Variants in TJP3 observed in about 807,000 individuals in gnomAD.
The protein encoded by TJP3 is tight junction protein 3, also known as tight junction protein ZO-3.
In TJP3, 85 loss-of-function variants were observed where a neutral mutation model predicts 104.2. The ratio of observed to expected loss-of-function variants is 0.82; its 90% confidence interval spans 0.68 to 0.98. The LOEUF is 0.98. Among genes scored for constraint, TJP3 ranks in the 50% least tolerant of loss-of-function variants. The pLI is 0.00. For synonymous variants in TJP3, 550 were observed against 550.6 expected (o/e 1.00, Z 0.02); for missense variants, 1,367 against 1,322.8 (o/e 1.03, Z -0.52).
intron 1 of TJP3, among the ~76,000 whole-genome samples, chr19:3,722,862 G>C: frequency 7.8e-6 from 1 of 127,964 alleles, no homozygotes; most frequent in South Asian, 2.9e-4. Flanking sequence ...GTGGCGGGGG[G>C]GGGGGGCACA....
chr19:3,723,797 G>GAAAAAAA (rs71339060), intron 1 of TJP3, among the ~76,000 whole-genome samples: 1 of 125,764 alleles, frequency 8.0e-6, no homozygotes, highest in Non-Finnish European at 1.6e-5. Context: ...TGTCTCAAAA[G>GAAAAAAA]AAAAAAAAAA....
At chr19:3,717,921 A>AAG (rs1159023539) in intron 1 of TJP3, among the ~76,000 whole-genome samples, 1 of 150,460 alleles carries the variant, frequency 6.6e-6, no homozygotes, top group Non-Finnish European at 1.5e-5. Context: ...GGCTAATTAA[A>AAG]AAAAAAAAAA....
intron 1 of TJP3, among the ~76,000 whole-genome samples, chr19:3,717,760 A>G (rs2036494934): frequency 6.6e-6 from 1 of 151,764 alleles, no homozygotes; most frequent in African/African-American, 2.4e-5. Context: ...ATTTTTGTGG[A>G]TGTGGAGATG....
At chr19:3,728,266 A>C in intron 1 of TJP3, 158 bp from the exon 2 acceptor site, 1 of 1,208,892 alleles carries the variant, frequency 8.3e-7, no homozygotes, top group East Asian at 2.6e-5. Flanking sequence ...CAAAAAAACA[A>C]ACAAAAAAAC....
intron 1 of TJP3, among the ~76,000 whole-genome samples, chr19:3,718,492 A>G (rs2036512600): frequency 6.7e-6 from 1 of 148,312 alleles, no homozygotes; most frequent in South Asian, 2.2e-4. Context: ...CGGGGTGGAC[A>G]GGGCCTCACT....
intron 14 of TJP3, 132 bp downstream of exon 14, chr19:3,740,895 C>G: frequency 2.5e-6 from 2 of 812,938 alleles, no homozygotes; most frequent in South Asian, 4.3e-5. Flanking sequence ...AATCCCAACA[C>G]TTTGGGAGGC....
intron 1 of TJP3, among the ~76,000 whole-genome samples, chr19:3,725,908 T>C (rs1028415757): frequency 6.6e-6 from 1 of 152,156 alleles, no homozygotes; most frequent in African/African-American, 2.4e-5. Context: ...AGACTTGGGA[T>C]TTGAGTCCAG....
At position 3,730,554 on chromosome 19, in the gene TJP3, G is replaced by A. The variant is rs199951899; in HGVS notation, c.461G>A (p.Arg154Gln). The change falls in exon 5 of 21, where the codon CGG (arginine) becomes CAG (glutamine). Residue 154 changes from arginine to glutamine, a missense_variant. Transcript: ENST00000541714. This position sits in a 1 kb window ranked among gnomAD's most constrained non-coding sequence, Gnocchi z 7.3. ...TCCCGCCGGCCGAGGCCTGGTCGCC[G>A]GGGCCGGGCCGGCAGCCATGGGCGT... ...ERSRRPRPGR[R>Q]GRAGSHGRRS... 2.1e-3 allele frequency: 3,383 copies of A among 1,604,300 alleles called. 4 individuals are homozygous for A. The highest frequency in any genetic ancestry group is 2.6e-3 in the Non-Finnish European group (3,029 of 1,177,682).
chr19:3,747,744 A>G (rs2145706870), intron 18 of TJP3, 50 bp from the exon 19 acceptor site: 1 of 1,479,420 alleles, frequency 6.8e-7, no homozygotes. Context: ...CGTGGGTGGC[A>G]GCTGGGGTCC....
In TJP3 at chr19:3,711,268, G is replaced by T. The variant is rs556047539; in HGVS notation, c.-10+2707G>T. Among the ~76,000 whole-genome samples, 164 of 61,586 alleles carry T rather than the reference G, an allele frequency of 2.7e-3. 62 individuals carry two copies. The highest frequency in any genetic ancestry group is 4.5e-3 in the Non-Finnish European group (143 of 31,442). The allele number at this position is 61,586 out of a possible 152,430, so 40.4% of individuals were successfully genotyped here. A position where few individuals can be genotyped will look rare whatever the true frequency, so the allele number is the denominator to read the frequency against. ...GCTGGAGTGCAGTGGAACGATCTCC[G>T]CTCGCTGCAACCTCCACCTCCTGGG... On this transcript the variant is annotated intron_variant, in intron 1 of 20. Transcript: ENST00000541714.
At chr19:3,714,172 C>G (rs1353280435) in intron 1 of TJP3, among the ~76,000 whole-genome samples, 1 of 152,132 alleles carries the variant, frequency 6.6e-6, no homozygotes, top group African/African-American at 2.4e-5. Context: ...GCCTCAGCCT[C>G]CTGAGTAGCA....
intron 14 of TJP3, among the ~76,000 whole-genome samples, chr19:3,741,782 C>G (rs1450679145): frequency 6.8e-6 from 1 of 147,482 alleles, no homozygotes; most frequent in Non-Finnish European, 1.5e-5. Flanking sequence ...CAGCCTGGCC[C>G]ACATGGTGAA....
intron 8 of TJP3, 38 bp downstream of exon 8, chr19:3,734,473 G>A (rs1482267480): frequency 6.5e-7 from 1 of 1,549,384 alleles, no homozygotes; most frequent in Non-Finnish European, 8.7e-7. Context: ...TGATAGGGAG[G>A]GAGAGGGAGG....
intron 8 of TJP3, 40 bp downstream of exon 8, chr19:3,734,475 A>G (rs1180444933): frequency 1.9e-6 from 3 of 1,547,572 alleles, no homozygotes; most frequent in Non-Finnish European, 2.6e-6. Flanking sequence ...ATAGGGAGGG[A>G]GAGGGAGGTG....
chr19:3,740,276 C>T (rs574597494), intron 13 of TJP3, among the ~76,000 whole-genome samples: 18 of 151,632 alleles, frequency 1.2e-4, no homozygotes, highest in Admixed American at 2.6e-4. Context: ...GGCGTGGTGG[C>T]GGGCACCTGT....
chr19:3,741,978 AC>A, intron 14 of TJP3, among the ~76,000 whole-genome samples: 1 of 152,136 alleles, frequency 6.6e-6, no homozygotes, highest in Non-Finnish European at 1.5e-5. Context: ...CTCAAAAAAA[AC>A]AAAAAAACAA....
At chr19:3,724,545 A>C (rs1227059654) in intron 1 of TJP3, among the ~76,000 whole-genome samples, 2 of 145,438 alleles carry the variant, frequency 1.4e-5, no homozygotes, top group Admixed American at 6.9e-5. Flanking sequence ...GCCATTTAAA[A>C]ATTTTTTTTG....
intron 11 of TJP3, among the ~76,000 whole-genome samples, chr19:3,736,934 C>CG (rs957917554): frequency 6.2e-5 from 9 of 144,744 alleles, no homozygotes; most frequent in African/African-American, 2.3e-4. Flanking sequence ...GGCTGGAGTG[C>CG]GGGGGTGTGA....
In TJP3 at chr19:3,747,892, C is replaced by T. The variant is rs10409928; in HGVS notation, c.2421C>T (p.Tyr807=). 16,349 of 1,613,170 alleles carry T rather than the reference C, an allele frequency of 0.01. 1,075 individuals are homozygous for T. In the African/African-American group the frequency reaches 0.16, roughly 16 times the overall value. ...LSCDSRVNSD[Y]ETDGEGGAYT... ...GCGACAGCCGCGTTAACAGCGACTA[C>T]GAGACGGACGGCGAGGGCGGCGCGT... Residue 807 remains tyrosine, a synonymous_variant, in exon 19 of 21, where the codon TAC becomes TAT. Coordinates refer to ENST00000541714, the MANE Select transcript of TJP3 (RefSeq NM_001267560.2).
Sources: gnomAD v4.1 joint callset for allele counts (sites outside exome capture counted in the v4.1 genomes callset) on GRCh38, gnomAD v4.1.1 for gene constraint, Gnocchi (gnomAD v3.1) non-coding constraint, MANE v1.5 for transcripts, NCBI Gene and HGNC (gene_info 2026-07-23, HGNC 2026-07-21) for gene names.